Variants in GAS5 observed in about 807,000 individuals in gnomAD.
GAS5 encodes the protein growth arrest specific 5.
chr1:173,867,961 T>TCACAGGAGTCGACTCCTACCTCGAAAAGA, upstream of GAS5: 1 of 343,438 alleles, frequency 2.9e-6, no homozygotes, highest in Non-Finnish European at 5.8e-6. Flanking sequence ...AAAACATACC[T>TCACAGGAGTCGACTCCTACCTCGAAAAGA]CACAGGAGTC....
intron 6 of GAS5, chr1:173,865,385 TCA>T (rs760986150): frequency 1.9e-6 from 1 of 515,896 alleles, no homozygotes; most frequent in East Asian, 5.4e-5. Context: ...ATTTTCTTTC[TCA>T]GAGAGATTCC....
chr1:173,866,716 CA>C (rs1273126537), intron 2 of GAS5: 1 of 765,376 alleles, frequency 1.3e-6, no homozygotes, highest in Non-Finnish European at 2.4e-6. Flanking sequence ...CATTGTGGCA[CA>C]TCCAATGGCT....
chr1:173,867,995 A>G (rs1412930073), upstream of GAS5: 2 of 324,184 alleles, frequency 6.2e-6, no homozygotes, highest in East Asian at 1.6e-4. Context: ...AAAAGACAGT[A>G]TGGTGCCTGG....
At chr1:173,864,693 G>C (rs1654280392) in intron 6 of GAS5, 2 of 427,424 alleles carry the variant, frequency 4.7e-6, no homozygotes, top group Non-Finnish European at 9.2e-6. Flanking sequence ...CTTCAATCAT[G>C]AATTCTGAGT....
intron 6 of GAS5, chr1:173,865,103 G>GCA (rs1654359576): frequency 2.9e-6 from 1 of 344,060 alleles, no homozygotes; most frequent in Non-Finnish European, 5.7e-6. Flanking sequence ...AGAGGCTGAG[G>GCA]CAGGAGAATT....
At chr1:173,867,063 A>T, upstream of GAS5, 1 of 690,914 alleles carries the variant, frequency 1.4e-6, no homozygotes, top group Non-Finnish European at 2.6e-6. Flanking sequence ...TCAGGTACAG[A>T]TTTTAATTCA....
At chr1:173,866,541 G>A (rs915737944) in exon 3 of GAS5, 11 of 732,062 alleles carry the variant, frequency 1.5e-5, no homozygotes, top group East Asian at 2.5e-5. Context: ...TGTGCCAATG[G>A]CTTGAGTTAG....
upstream of GAS5, chr1:173,869,023 T>G (rs1380327050): frequency 6.6e-6 from 1 of 152,636 alleles, no homozygotes; most frequent in Admixed American, 6.5e-5. Flanking sequence ...GGCGCTGGTG[T>G]AGGCTCCAAA....
chr1:173,864,970 G>A (rs1381846187), intron 6 of GAS5: 1 of 507,492 alleles, frequency 2.0e-6, no homozygotes, highest in Admixed American at 2.0e-5. Context: ...TGTAATCCCA[G>A]CACTTTGGGA....
chr1:173,866,439 GGA>G (rs1476107333), intron 3 of GAS5: 2 of 607,034 alleles, frequency 3.3e-6, no homozygotes, highest in Non-Finnish European at 6.3e-6. Context: ...TGAAAAGAGG[GGA>G]GAGAAGCACT....
intron 6 of GAS5, chr1:173,865,000 A>T: frequency 2.1e-6 from 1 of 469,724 alleles, no homozygotes; most frequent in Non-Finnish European, 4.3e-6. Context: ...GGGCAGTATC[A>T]CTTGAGGTCA....
intron 6 of GAS5, chr1:173,864,808 T>A: frequency 9.6e-6 from 5 of 518,940 alleles, no homozygotes; most frequent in Non-Finnish European, 1.9e-5. Flanking sequence ...TTTCGGGGCA[T>A]AAACTAGAAT....
chr1:173,865,670 G>C (rs1364385501), intron 5 of GAS5: 1 of 519,176 alleles, frequency 1.9e-6, no homozygotes, highest in Non-Finnish European at 3.8e-6. Flanking sequence ...TCAGACATTT[G>C]ATCAACATCA....
At chr1:173,867,624 G>C (rs1392982158), upstream of GAS5, 6 of 518,488 alleles carry the variant, frequency 1.2e-5, no homozygotes, top group Admixed American at 1.2e-4. Context: ...GCTGATGGAG[G>C]CTCGGGTCAC....
chr1:173,868,810 G>T, upstream of GAS5: 1 of 153,368 alleles, frequency 6.5e-6, no homozygotes, highest in Non-Finnish European at 1.5e-5. Flanking sequence ...AAGTTCCTCA[G>T]TGACATTTTG....
chr1:173,866,418 A>G (rs780402036), intron 3 of GAS5: 1 of 575,882 alleles, frequency 1.7e-6, no homozygotes, highest in Admixed American at 1.9e-5. Context: ...TATGAGAGCA[A>G]AATTCTCATT....
rs16846483 is a variant in GAS5, at chr1:173,865,442, A to T, written n.276+29T>A. ...ATCATCACTAACAGTAGCTCAATCA[A>T]TTAACGTTAACATCAATAAAACATG... On this transcript the variant is annotated intron_variant and non_coding_transcript_variant, in intron 6 of 7. Coordinates refer to ENST00000651080, the Ensembl canonical transcript of GAS5. 2,754 of 513,882 alleles carry T rather than the reference A, an allele frequency of 5.4e-3. 68 individuals are homozygous for T. The highest frequency in any genetic ancestry group is 0.049 in the African/African-American group (2,548 of 51,890). 31.8% of individuals were successfully genotyped at this position (513,882 alleles called of 1,614,324 possible). A position where few individuals can be genotyped will look rare whatever the true frequency, so the allele number is the denominator to read the frequency against.
intron 6 of GAS5, chr1:173,864,800 TC>T: frequency 9.6e-6 from 5 of 518,752 alleles, no homozygotes; most frequent in Non-Finnish European, 1.9e-5. Context: ...ATTCCCCTTT[TC>T]GGGGCATAAA....
chr1:173,867,187 C>G, upstream of GAS5: 1 of 565,764 alleles, frequency 1.8e-6, no homozygotes, highest in Non-Finnish European at 3.1e-6. Context: ...AAAGGATACA[C>G]TTAATGTTAC....
Sources: gnomAD v4.1 joint callset for allele counts on GRCh38, gnomAD v4.1.1 for gene constraint, MANE v1.5 for transcripts, NCBI Gene and HGNC (gene_info 2026-07-23, HGNC 2026-07-21) for gene names.